Variants in PTPRD observed in about 807,000 individuals in gnomAD.
PTPRD encodes protein tyrosine phosphatase receptor type D.
In PTPRD, 34 loss-of-function variants were observed where a neutral mutation model predicts 214.5. The observed-to-expected ratio is 0.16, with a 90% CI of 0.12 to 0.21. The LOEUF is 0.21. Ranked by LOEUF, PTPRD falls within the 10% of genes least tolerant of loss-of-function variation. The probability of loss-of-function intolerance (pLI) is 1.00; values close to 1 mark genes in which losing one functional copy is unlikely to be tolerated. For synonymous variants in PTPRD, 1,128 were observed against 845.7 expected (o/e 1.33, Z -5.79); for missense variants, 2,545 against 2,398.7 (o/e 1.06, Z -1.27).
At chr9:9,591,200 G>A (rs1416810113) in intron 7 of PTPRD, among the ~76,000 whole-genome samples, 1 of 147,840 alleles carries the variant, frequency 6.8e-6, no homozygotes, top group Non-Finnish European at 1.5e-5. Flanking sequence ...GCGGAAGTCA[G>A]AGAGATTGAA....
chr9:8,692,127 A>G (rs1010726334), intron 12 of PTPRD, among the ~76,000 whole-genome samples: 4 of 152,204 alleles, frequency 2.6e-5, no homozygotes, highest in Admixed American at 2.6e-4. Context: ...ATTTATAAAT[A>G]AAAGATTTTC....
chr9:8,405,744 A>T lies in PTPRD; in HGVS notation c.4087-1084T>A, dbSNP rs1345728507. On this transcript the variant is annotated intron_variant, in intron 35 of 45. Coordinates refer to ENST00000381196, the MANE Select transcript of PTPRD (RefSeq NM_002839.4). Reference sequence around the variant, plus strand: ...GATAAAACAGGTTTATACCCAGGTAATTTTTTTAAAATATACTCTATTATG... The same window carrying T: ...GATAAAACAGGTTTATACCCAGGTATTTTTTTTAAAATATACTCTATTATG... Among the ~76,000 whole-genome samples the T allele has an allele frequency of 2.0e-5, 3 of 152,256 alleles. No individual in the cohort carries two copies. The South Asian group carries it at 6.2e-4, about 32-fold the overall frequency.
At position 10,033,777 on chromosome 9, in the gene PTPRD, T is replaced by C. The variant is rs12006140; in HGVS notation, c.-531A>G. ...AGCTGGAGGATGAAAAGTATCAGACTCCTCAAGATTTCCCTGAAAGGAAAA... is the reference window on the plus strand; with the variant it reads ...AGCTGGAGGATGAAAAGTATCAGACCCCTCAAGATTTCCCTGAAAGGAAAA... On this transcript the variant is annotated 5_prime_UTR_variant, in exon 4 of 46. Coordinates refer to ENST00000381196, the MANE Select transcript of PTPRD (RefSeq NM_002839.4). The C allele has an allele frequency of 5.3e-5, 8 of 152,130 alleles. No homozygotes were observed. The highest frequency in any genetic ancestry group is 1.9e-4 in the African/African-American group (8 of 41,524). 9.4% of individuals were successfully genotyped at this position (152,130 alleles called of 1,614,324 possible).
chr9:10,004,634 C>G (rs10816274), intron 4 of PTPRD, among the ~76,000 whole-genome samples: 1 of 151,742 alleles, frequency 6.6e-6, no homozygotes, highest in Non-Finnish European at 1.5e-5. Flanking sequence ...AACACACACA[C>G]ACACCGCACA....
intron 8 of PTPRD, among the ~76,000 whole-genome samples, chr9:9,402,605 T>C (rs917267819): frequency 6.6e-6 from 1 of 151,978 alleles, no homozygotes; most frequent in African/African-American, 2.4e-5. Flanking sequence ...TGAAAGTCAG[T>C]ACAAGGATCA....
At chr9:9,182,914 G>A (rs1030346879) in intron 10 of PTPRD, among the ~76,000 whole-genome samples, 2 of 151,792 alleles carry the variant, frequency 1.3e-5, no homozygotes, top group African/African-American at 2.4e-5. Flanking sequence ...ATGTAGGCGA[G>A]ACCACCACCG....
intron 4 of PTPRD, among the ~76,000 whole-genome samples, chr9:10,032,667 G>C (rs912850194): frequency 7.2e-5 from 11 of 152,056 alleles, no homozygotes; most frequent in Non-Finnish European, 1.0e-4. Context: ...CTAATGCTTA[G>C]AATTAGTATT....
chr9:9,430,522 T>C (rs1355863091), intron 8 of PTPRD, among the ~76,000 whole-genome samples: 8 of 152,142 alleles, frequency 5.3e-5, no homozygotes, highest in Admixed American at 5.2e-4. Flanking sequence ...AAGCTACCAA[T>C]GATTTTCTTC....
chr9:9,621,255 A>G (rs947384851), intron 7 of PTPRD, among the ~76,000 whole-genome samples: 9 of 152,240 alleles, frequency 5.9e-5, no homozygotes, highest in African/African-American at 2.2e-4. Context: ...AGTGGATATT[A>G]GAACATCTCA....
At chr9:8,967,395 C>T (rs2099203745) in intron 11 of PTPRD, among the ~76,000 whole-genome samples, 1 of 152,088 alleles carries the variant, frequency 6.6e-6, no homozygotes, top group Non-Finnish European at 1.5e-5. Flanking sequence ...GCACTATCCA[C>T]AATGGCAAAA....
chr9:8,821,091 A>G (rs1600867159), intron 11 of PTPRD, among the ~76,000 whole-genome samples: 1 of 152,192 alleles, frequency 6.6e-6, no homozygotes, highest in African/African-American at 2.4e-5. Flanking sequence ...AGGTATGATC[A>G]GCCCCTTCTT....
chr9:8,542,463 G>A (rs7869131), intron 14 of PTPRD, among the ~76,000 whole-genome samples: 5,608 of 152,216 alleles, frequency 0.037, 352 homozygotes, highest in African/African-American at 0.13. Context: ...TACAAGGGTT[G>A]GTAATATTTT....
chr9:8,715,362 G>T (rs750294317), intron 12 of PTPRD, among the ~76,000 whole-genome samples: 13 of 152,168 alleles, frequency 8.5e-5, no homozygotes, highest in Non-Finnish European at 1.8e-4. Flanking sequence ...TAGCCTGGAA[G>T]CTACAGGAGT....
chr9:8,691,558 T>C (rs2154382224), intron 12 of PTPRD, among the ~76,000 whole-genome samples: 1 of 152,332 alleles, frequency 6.6e-6, no homozygotes, highest in South Asian at 2.1e-4. Flanking sequence ...CACAAGTCTT[T>C]TGAAACCTTC....
intron 14 of PTPRD, among the ~76,000 whole-genome samples, chr9:8,572,458 C>T (rs1274857784): frequency 6.6e-6 from 1 of 151,874 alleles, no homozygotes; most frequent in African/African-American, 2.4e-5. Flanking sequence ...AAAATGACTT[C>T]AGGGAAACTC....
At chr9:8,570,960 C>T (rs2090961187) in intron 14 of PTPRD, among the ~76,000 whole-genome samples, 1 of 151,892 alleles carries the variant, frequency 6.6e-6, no homozygotes, top group Non-Finnish European at 1.5e-5. Context: ...GTCCATTATA[C>T]TTAAACACTC....
intron 9 of PTPRD, among the ~76,000 whole-genome samples, chr9:9,271,194 A>T (rs1162891081): frequency 6.6e-6 from 1 of 151,274 alleles, no homozygotes; most frequent in Non-Finnish European, 1.5e-5. Flanking sequence ...ATTTATAGTT[A>T]TTCCCTAACT....
At chr9:8,653,989 C>A (rs1025504192) in intron 12 of PTPRD, among the ~76,000 whole-genome samples, 3 of 152,148 alleles carry the variant, frequency 2.0e-5, no homozygotes, top group African/African-American at 7.2e-5. Flanking sequence ...TAAAACAGGG[C>A]CTTTCACTAC....
chr9:8,730,580 T>A (rs915505158), intron 12 of PTPRD, among the ~76,000 whole-genome samples: 2 of 152,254 alleles, frequency 1.3e-5, no homozygotes, highest in Non-Finnish European at 2.9e-5. Flanking sequence ...ACAAAGAAGA[T>A]GCTAACAGTA....
Sources: gnomAD v4.1 joint callset for allele counts (sites outside exome capture counted in the v4.1 genomes callset) on GRCh38, gnomAD v4.1.1 for gene constraint, MANE v1.5 for transcripts, NCBI Gene and HGNC (gene_info 2026-07-23, HGNC 2026-07-21) for gene names.